Variants in KMT2B observed in about 807,000 individuals in gnomAD.
KMT2B encodes histone-lysine N-methyltransferase 2B.
A neutral mutation model predicts 255.3 loss-of-function variants in KMT2B; 22 were observed. The observed-to-expected ratio is 0.09, with a 90% confidence interval of 0.06 to 0.12. The LOEUF (loss-of-function observed/expected upper bound fraction) is 0.12. Among genes scored for constraint, KMT2B ranks in the 10% least tolerant of loss-of-function variants. The probability of loss-of-function intolerance (pLI) is 1.00; values close to 1 mark genes in which losing one functional copy is unlikely to be tolerated. For missense variants in KMT2B, 3,149 were observed against 3,737.0 expected (o/e 0.84, Z 4.10); for synonymous variants, 1,730 against 1,498.1 (o/e 1.15, Z -3.57).
In KMT2B at chr19:35,729,064, T is replaced by C. The variant is rs868441587; in HGVS notation, c.4767T>C (p.Asp1589=). ...GTGCACTCTGCCTCAAATACGGGGA[T>C]GCAGACTCCAAGGTGAGGGCTGCTC... The part of the protein sequence containing the change: ...RQCALCLKYG[D]ADSKEAGRLL... The change falls in exon 21 of 37, where the codon GAT becomes GAC. Residue 1589 remains aspartate, a synonymous_variant. Coordinates refer to ENST00000420124, the MANE Select transcript of KMT2B (RefSeq NM_014727.3). The C allele has an allele frequency of 3.9e-5, 63 of 1,613,896 alleles. No individual in the cohort carries two copies. Among genetic ancestry groups the C allele is most frequent in the Non-Finnish European group, 5.3e-5 (63 of 1,179,884 alleles).
chr19:35,722,885 G>A, intron 5 of KMT2B, 110 bp from the exon 6 acceptor site: 1 of 1,426,022 alleles, frequency 7.0e-7, no homozygotes, highest in Non-Finnish European at 9.3e-7. Flanking sequence ...GGGGCACCAG[G>A]AACCTGGCGC....
In KMT2B at chr19:35,728,824, C is replaced by T. The variant is rs1568377293; in HGVS notation, c.4622C>T (p.Ala1541Val). 1.2e-6 allele frequency: 2 copies of T among 1,613,918 alleles called. No homozygotes were observed. Among genetic ancestry groups the T allele is most frequent in the Non-Finnish European group, 1.7e-6 (2 of 1,179,870 alleles). ...VLPPSLDHVY[A>V]QWRQQEPETP... Reference sequence around the variant, plus strand: ...CCCCCATCCCTGGATCATGTCTATGCGCAGTGGAGACAGCAGGAACCAGAG... The same window carrying T: ...CCCCCATCCCTGGATCATGTCTATGTGCAGTGGAGACAGCAGGAACCAGAG... The change falls in exon 20 of 37, where the codon GCG becomes GTG. Residue 1541 changes from alanine to valine, a missense_variant. By Grantham distance (64) the Ala-to-Val change is moderately conservative. Around this residue, in one of 18 missense-constraint regions of KMT2B, gnomAD observed 377 missense variants for 471.0 expected, o/e 0.80. Coordinates refer to ENST00000420124, the MANE Select transcript of KMT2B (RefSeq NM_014727.3).
Position 35,727,902 on chromosome 19 carries a change from G to T in KMT2B, c.4414G>T (p.Val1472Leu). 1 of 1,604,548 alleles carries T rather than the reference G, an allele frequency of 6.2e-7. No individual in the cohort carries two copies. Among genetic ancestry groups the T allele is most frequent in the Non-Finnish European group, 8.5e-7 (1 of 1,173,602 alleles). Reference protein sequence around the residue: ...KSVHSFMEDMVGILMRHSEEG... With the variant: ...KSVHSFMEDMLGILMRHSEEG... ...ACAGCACAGCTTCATGGAGGACATGGTGGGCATCCTCATGCGGCACTCGGA... is the reference window on the plus strand; with the variant it reads ...ACAGCACAGCTTCATGGAGGACATGTTGGGCATCCTCATGCGGCACTCGGA... Residue 1472 changes from valine to leucine, a missense_variant, in exon 18 of 37, where the codon GTG becomes TTG. Val to Leu is a conservative substitution (Grantham distance 32, BLOSUM62 1). Coordinates refer to ENST00000420124, the MANE Select transcript of KMT2B (RefSeq NM_014727.3). This position sits in a 1 kb window ranked among gnomAD's most constrained non-coding sequence, Gnocchi z 4.2.
chr19:35,718,155 C>T lies in KMT2B; in HGVS notation c.137C>T (p.Ala46Val). The T allele has an allele frequency of 1.9e-6, 2 of 1,065,022 alleles. No homozygotes were observed. The highest frequency in any genetic ancestry group is 2.3e-6 in the Non-Finnish European group (2 of 883,000). The allele number at this position is 1,065,022 out of a possible 1,614,324, so 66.0% of individuals were successfully genotyped here. A position where few individuals can be genotyped will look rare whatever the true frequency, so the allele number is the denominator to read the frequency against. The part of the protein sequence containing the change: ...RGNGAERVRV[A>V]LRRGGGATGP... Reference sequence around the variant, plus strand: ...AACGGGGCCGAAAGAGTGCGGGTAGCTCTGCGGCGCGGCGGTGGCGCGACG... The same window carrying T: ...AACGGGGCCGAAAGAGTGCGGGTAGTTCTGCGGCGCGGCGGTGGCGCGACG... Residue 46 changes from alanine to valine, a missense_variant, in exon 1 of 37, where the codon GCT (alanine) becomes GTT (valine). This residue lies in a region of KMT2B where 1,188 missense variants were observed against 1,106.4 expected (regional missense o/e 1.07). Coordinates refer to ENST00000420124, the MANE Select transcript of KMT2B (RefSeq NM_014727.3). This position sits in a 1 kb window ranked among gnomAD's most constrained non-coding sequence, Gnocchi z 5.0.
chr19:35,733,069 G>A lies in KMT2B; in HGVS notation c.6520G>A (p.Val2174Met), dbSNP rs772291191. 20 of 1,575,794 alleles carry A rather than the reference G, an allele frequency of 1.3e-5. No individual in the cohort carries two copies. The highest frequency in any genetic ancestry group is 5.4e-5 in the Admixed American group (3 of 55,068). Reference sequence around the variant, plus strand: ...GCTCCCAGGGGCCCCAGGGGTCCGGGTGTTAAGCCTTGGCCCTGCCCCTGA... The same window carrying A: ...GCTCCCAGGGGCCCCAGGGGTCCGGATGTTAAGCCTTGGCCCTGCCCCTGA... The part of the protein sequence containing the change: ...AWLPGAPGVR[V>M]LSLGPAPEPP... Residue 2174 changes from valine to methionine, a missense_variant, in exon 28 of 37, where the codon GTG becomes ATG. Val to Met is a conservative substitution (Grantham distance 21, BLOSUM62 1). Transcript: ENST00000420124. This position sits in a 1 kb window ranked among gnomAD's most constrained non-coding sequence, Gnocchi z 4.3.
chr19:35,725,708 C>T lies in KMT2B; in HGVS notation c.3790-15C>T, dbSNP rs1218650566. 1.2e-6 allele frequency: 2 copies of T among 1,612,720 alleles called. No individual in the cohort carries two copies. The highest frequency in any genetic ancestry group is 1.3e-5 in the African/African-American group (1 of 75,052). ...TGCCAGCAGGTTTCGCCATCTCTGT[C>T]TCCACATCCAACAGCACCTCCTGGA... On this transcript the variant is annotated splice_polypyrimidine_tract_variant and intron_variant, in intron 12 of 36. Transcript: ENST00000420124. This position sits in a 1 kb window ranked among gnomAD's most constrained non-coding sequence, Gnocchi z 4.1.
chr19:35,730,303 A>C (rs1038019936), intron 23 of KMT2B, 39 bp from the exon 24 acceptor site: 7 of 1,606,736 alleles, frequency 4.4e-6, no homozygotes, highest in Non-Finnish European at 6.0e-6. Context: ...CACCTCCCCC[A>C]CCAATGCAGC....
Position 35,730,011 on chromosome 19 carries a change from C to T in KMT2B, c.4962C>T (p.Cys1654=), listed in dbSNP as rs375985930. 3.7e-6 allele frequency: 6 copies of T among 1,613,582 alleles called. No homozygotes were observed. Among genetic ancestry groups the T allele is most frequent in the South Asian group, 1.1e-5 (1 of 91,062 alleles). Residue 1654 remains cysteine, a synonymous_variant, in exon 23 of 37, where the codon TGC becomes TGT. Transcript: ENST00000420124. The part of the protein sequence containing the change: ...CLKPGATVGC[C]LSSCLSNFHF... ...AGCCTGGCGCCACGGTGGGCTGCTGCCTGTCCTCCTGCCTCAGCAACTTCC... is the reference window on the plus strand; with the variant it reads ...AGCCTGGCGCCACGGTGGGCTGCTGTCTGTCCTCCTGCCTCAGCAACTTCC...
Position 35,720,776 on chromosome 19 carries a change from A to G in KMT2B, c.1429A>G (p.Ser477Gly). The change falls in exon 3 of 37, where the codon AGC becomes GGC. Residue 477 changes from serine to glycine, a missense_variant. By Grantham distance (56) the Ser-to-Gly change is moderately conservative. This residue lies in a region of KMT2B where 1,188 missense variants were observed against 1,106.4 expected (regional missense o/e 1.07). Coordinates refer to ENST00000420124, the MANE Select transcript of KMT2B (RefSeq NM_014727.3). ...RKRGRPPLTP[S>G]QRAEREAARA... ...GAGGGGCCGGCCTCCCCTGACTCCC[A>G]GCCAGCGGGCGGAGCGGGAAGCTGC... 1 of 1,482,012 alleles carries G rather than the reference A, an allele frequency of 6.7e-7. No individual in the cohort carries two copies. Among genetic ancestry groups the G allele is most frequent in the Non-Finnish European group, 9.0e-7 (1 of 1,112,850 alleles). 91.8% of individuals were successfully genotyped at this position (1,482,012 alleles called of 1,614,324 possible). A position where few individuals can be genotyped will look rare whatever the true frequency, so the allele number is the denominator to read the frequency against.
rs1969222569 is a variant in KMT2B, at chr19:35,721,754, C to T, written c.2407C>T (p.Leu803=). Residue 803 remains leucine (L), a synonymous_variant, in exon 3 of 37, where the codon CTA becomes TTA. Coordinates refer to ENST00000420124, the MANE Select transcript of KMT2B (RefSeq NM_014727.3). ...CCTCCTCAAGAGAGCCAAAGTGCAG[C>T]TATTCAAGATCGATCAGCAGCAGCA... ...FSLLKRAKVQ[L]FKIDQQQQQK... is the part of the protein sequence containing the mutation. 1.2e-6 allele frequency: 2 copies of T among 1,609,180 alleles called. No homozygotes were observed. Among genetic ancestry groups the T allele is most frequent in the Non-Finnish European group, 1.7e-6 (2 of 1,177,840 alleles).
At position 35,738,739 on chromosome 19, in the gene KMT2B, GC is replaced by G. The variant is rs1335037083; in HGVS notation, c.*187del. ...CACCCCTCCAGCCCATCCAGCAATC[GC>G]CCCCTTTCTGCCCTGGGGGCCCAGG... is the stretch of plus-strand genomic sequence containing the variant. On this transcript the variant is annotated 3_prime_UTR_variant, in exon 37 of 37. Coordinates refer to ENST00000420124, the MANE Select transcript of KMT2B (RefSeq NM_014727.3). This position sits in a 1 kb window ranked among gnomAD's most constrained non-coding sequence, Gnocchi z 8.7. 4.0e-5 allele frequency: 26 copies of G among 650,242 alleles called. No individual in the cohort carries two copies. The highest frequency in any genetic ancestry group is 6.2e-5 in the Non-Finnish European group (24 of 384,520). The allele number at this position is 650,242 out of a possible 1,614,324, so 40.3% of individuals were successfully genotyped here. A position where few individuals can be genotyped will look rare whatever the true frequency, so the allele number is the denominator to read the frequency against.
At position 35,725,850 on chromosome 19, in the gene KMT2B, C is replaced by T. The variant is rs912756481; in HGVS notation, c.3885+32C>T. 6.5e-7 allele frequency: 1 copy of T among 1,528,206 alleles called. No individual in the cohort carries two copies. 94.7% of individuals were successfully genotyped at this position (1,528,206 alleles called of 1,614,324 possible). A position where few individuals can be genotyped will look rare whatever the true frequency, so the allele number is the denominator to read the frequency against. ...GATGAGGTTCACCCACTTGCTTTGT[C>T]TCTAATGAATATCACCACCACCCCC... On this transcript the variant is annotated intron_variant, in intron 13 of 36. Coordinates refer to ENST00000420124, the MANE Select transcript of KMT2B (RefSeq NM_014727.3). The surrounding 1 kb of genome is among the most constrained non-coding windows in gnomAD (Gnocchi z 4.1).
In KMT2B at chr19:35,720,236, C is replaced by A; in HGVS notation, c.889C>A (p.Arg297=). 6.2e-7 allele frequency: 1 copy of A among 1,611,816 alleles called. No individual in the cohort carries two copies. Among genetic ancestry groups the A allele is most frequent in the Non-Finnish European group, 8.5e-7 (1 of 1,179,240 alleles). Residue 297 remains arginine (R), a synonymous_variant, in exon 3 of 37, where the codon CGA becomes AGA. Coordinates refer to ENST00000420124, the MANE Select transcript of KMT2B (RefSeq NM_014727.3). ...AGGCCGTGGAGGCAGGGGCCGCGGC[C>A]GAGGTGGTGGGCTCCCCTTTGTGAT... ...RGGRGGRGRG[R]GGGLPFVIKF... is the part of the protein sequence containing the mutation.
chr19:35,721,879 C>A, intron 3 of KMT2B, 75 bp downstream of exon 3: 1 of 1,448,364 alleles, frequency 6.9e-7, no homozygotes. Flanking sequence ...TAACCTTCCG[C>A]CTCCTTGGAC....
chr19:35,732,190 G>T, intron 27 of KMT2B, 25 bp from the exon 28 acceptor site: 1 of 1,572,240 alleles, frequency 6.4e-7, no homozygotes, highest in Non-Finnish European at 8.7e-7. Flanking sequence ...GGGAGCTGCT[G>T]GTAACACCAA....
Position 35,733,565 on chromosome 19 carries a change from G to A in KMT2B, c.6960-32G>A, listed in dbSNP as rs1969807914. ...GCAAGGGGGCAGATGGGCGGGAGATGCGGCTCATCCTTCTCGGGCTCGCCC... is the reference window on the plus strand; with the variant it reads ...GCAAGGGGGCAGATGGGCGGGAGATACGGCTCATCCTTCTCGGGCTCGCCC... On this transcript the variant is annotated intron_variant, in intron 28 of 36. Transcript: ENST00000420124. This position sits in a 1 kb window ranked among gnomAD's most constrained non-coding sequence, Gnocchi z 4.3. The A allele has an allele frequency of 6.4e-7, 1 of 1,558,238 alleles. No homozygotes were observed. Among genetic ancestry groups the A allele is most frequent in the Non-Finnish European group, 8.7e-7 (1 of 1,151,028 alleles).
In KMT2B at chr19:35,729,115, G is replaced by A. The variant is rs187709035; in HGVS notation, c.4779+39G>A. The A allele has an allele frequency of 4.8e-5, 77 of 1,613,984 alleles. No individual in the cohort carries two copies. In the African/African-American group the frequency reaches 9.9e-4, roughly 21 times the overall value. On this transcript the variant is annotated intron_variant, in intron 21 of 36. Coordinates refer to ENST00000420124, the MANE Select transcript of KMT2B (RefSeq NM_014727.3). Reference sequence around the variant, plus strand: ...TGTGACGCACCAGGTTGTGGGGCCTGTTCCCTGGCCTCCCCACATCATGCC... The same window carrying A: ...TGTGACGCACCAGGTTGTGGGGCCTATTCCCTGGCCTCCCCACATCATGCC...
Position 35,721,344 on chromosome 19 carries a change from T to TTAC in KMT2B, c.1999_2001dup (p.Thr667dup). On this transcript the variant is annotated inframe_insertion, in exon 3 of 37. Coordinates refer to ENST00000420124, the MANE Select transcript of KMT2B (RefSeq NM_014727.3). ...CACCTGAAGATCTACGAATCGGTGCTTACTCCTCCTCCTCTTGGGGCTCCT... is the reference window on the plus strand; with the variant it reads ...CACCTGAAGATCTACGAATCGGTGCTTACTACTCCTCCTCCTCTTGGGGCTCCT... The TTAC allele has an allele frequency of 6.3e-7, 1 of 1,576,700 alleles. No individual in the cohort carries two copies. The highest frequency in any genetic ancestry group is 8.6e-7 in the Non-Finnish European group (1 of 1,162,326).
rs370802984 is a variant in KMT2B, at chr19:35,729,153, C to A, written c.4780-6C>A. On this transcript the variant is annotated splice_region_variant and splice_polypyrimidine_tract_variant and intron_variant, in intron 21 of 36. Transcript: ENST00000420124. The stretch of plus-strand genomic sequence containing the variant: ...CCCACATCATGCCACTCCTCTTCTG[C>A]CCCAGGAGGCGGGGCGGCTCTTGTA... 1.5e-5 allele frequency: 24 copies of A among 1,613,716 alleles called. No homozygotes were observed. The highest frequency in any genetic ancestry group is 2.0e-5 in the Non-Finnish European group (24 of 1,179,816).
Sources: gnomAD v4.1 joint callset for allele counts on GRCh38, gnomAD v4.1.1 for gene constraint, gnomAD v4.1.1 regional missense constraint, Gnocchi (gnomAD v3.1) non-coding constraint, MANE v1.5 for transcripts, NCBI Gene and HGNC (gene_info 2026-07-23, HGNC 2026-07-21) for gene names.